The following PRKG1 variants were observed in gnomAD, a reference collection of about 807,000 sequenced individuals.
PRKG1 encodes the protein protein kinase cGMP-dependent 1, also known as cGMP-dependent protein kinase 1.
In PRKG1, 35 loss-of-function variants were observed where a neutral mutation model predicts 88.1. The observed-to-expected ratio is 0.40, with a 90% CI of 0.30 to 0.53. The LOEUF (loss-of-function observed/expected upper bound fraction) is 0.53, where lower values mean the gene tolerates loss of function less well. PRKG1 is among the 20% of genes least tolerant of loss of function. The probability of loss-of-function intolerance (pLI) is 0.59; values close to 1 mark genes in which losing one functional copy is unlikely to be tolerated. For synonymous variants in PRKG1, 303 were observed against 292.5 expected (o/e 1.04, Z -0.37); for missense variants, 540 against 839.8 (o/e 0.64, Z 4.41).
intron 2 of PRKG1, among the ~76,000 whole-genome samples, chr10:51,275,964 CT>C (rs200640333): frequency 0.017 from 2,420 of 141,628 alleles, 46 homozygotes; most frequent in African/African-American, 0.05. Context: ...ATGAAATTTT[CT>C]TTTTTTTTTT....
chr10:51,045,568 C>T lies in PRKG1; in HGVS notation c.266+53924C>T, dbSNP rs574947824. Among the ~76,000 whole-genome samples, 12 of 152,218 alleles carry T rather than the reference C, an allele frequency of 7.9e-5. No individual in the cohort carries two copies. The East Asian group carries it at 9.7e-4, about 12-fold the overall frequency. ...CTCGAACTCTTGACCTCTGGTGATC[C>T]GCCCACCTTGAAAATATTTTAAAGT... On this transcript the variant is annotated intron_variant, in intron 1 of 17. Transcript: ENST00000401604.
At chr10:52,056,429 T>C (rs1846111501) in intron 6 of PRKG1, among the ~76,000 whole-genome samples, 1 of 152,232 alleles carries the variant, frequency 6.6e-6, no homozygotes, top group Non-Finnish European at 1.5e-5. Flanking sequence ...ACCACCCTGT[T>C]AGTGCAAATT....
At chr10:51,511,614 A>G (rs1269242756) in intron 3 of PRKG1, among the ~76,000 whole-genome samples, 1 of 152,224 alleles carries the variant, frequency 6.6e-6, no homozygotes, top group African/African-American at 2.4e-5. Flanking sequence ...CATAGTGGAA[A>G]TGTATATTAA....
intron 1 of PRKG1, among the ~76,000 whole-genome samples, chr10:51,091,119 A>G (rs991502515): frequency 5.9e-5 from 9 of 152,242 alleles, no homozygotes; most frequent in Non-Finnish European, 1.2e-4. Flanking sequence ...CTTGACAGTC[A>G]TAATGATGAG....
chr10:51,504,678 G>A (rs1841141992), intron 3 of PRKG1, among the ~76,000 whole-genome samples: 1 of 152,024 alleles, frequency 6.6e-6, no homozygotes, highest in Admixed American at 6.6e-5. Flanking sequence ...CCTTGAAGAG[G>A]TCCTTCATGT....
intron 3 of PRKG1, among the ~76,000 whole-genome samples, chr10:51,640,272 A>G (rs75295207): frequency 0.036 from 5,456 of 152,300 alleles, 142 homozygotes; most frequent in South Asian, 0.1. Context: ...CCTAGAACAT[A>G]AATCATTAAA....
chr10:51,804,708 C>T lies in PRKG1; in HGVS notation c.698+18C>T, dbSNP rs181067702. 6 of 1,482,880 alleles carry T rather than the reference C, an allele frequency of 4.0e-6. No individual in the cohort carries two copies. The Admixed American group carries it at 8.4e-5, about 21-fold the overall frequency. The allele number at this position is 1,482,880 out of a possible 1,614,324, so 91.9% of individuals were successfully genotyped here. ...TTAAAAAGGTAGGATGCTTTCTTTT[C>T]TCTTGTGAGAGTGTTTACTTTCCTT... On this transcript the variant is annotated intron_variant, in intron 4 of 17. Transcript: ENST00000373980.
intron 2 of PRKG1, among the ~76,000 whole-genome samples, chr10:51,401,798 C>T (rs1481524925): frequency 6.6e-6 from 1 of 152,044 alleles, no homozygotes; most frequent in Non-Finnish European, 1.5e-5. Flanking sequence ...GCTTAAAACA[C>T]AAAAATAGGA....
intron 5 of PRKG1, among the ~76,000 whole-genome samples, chr10:51,973,509 CTT>C (rs1234223047): frequency 6.6e-6 from 1 of 152,124 alleles, no homozygotes; most frequent in Non-Finnish European, 1.5e-5. Context: ...TGCTTTCTGA[CTT>C]ATTCATCCTG....
At chr10:51,656,709 G>A (rs531230003) in intron 3 of PRKG1, among the ~76,000 whole-genome samples, 43 of 152,062 alleles carry the variant, frequency 2.8e-4, no homozygotes, top group African/African-American at 8.7e-4. Context: ...CATCCCCTGC[G>A]CAAAAACCTT....
At chr10:51,750,235 C>T (rs1459357960) in intron 3 of PRKG1, among the ~76,000 whole-genome samples, 2 of 152,112 alleles carry the variant, frequency 1.3e-5, no homozygotes, top group African/African-American at 4.8e-5. Context: ...TGTGCCTGGC[C>T]TGTCATTTGT....
chr10:51,913,309 A>T (rs763974471), intron 5 of PRKG1, among the ~76,000 whole-genome samples: 8 of 152,274 alleles, frequency 5.3e-5, no homozygotes, highest in Non-Finnish European at 1.0e-4. Context: ...TAGGGAATGG[A>T]TCTTGTCACC....
intron 16 of PRKG1, among the ~76,000 whole-genome samples, chr10:52,289,943 A>T (rs182899208): frequency 7.7e-4 from 117 of 152,296 alleles, no homozygotes; most frequent in Middle Eastern, 3.4e-3. Flanking sequence ...TTAAATTTTA[A>T]TTATAGTGTA....
chr10:51,301,460 C>G (rs16916485), intron 2 of PRKG1, among the ~76,000 whole-genome samples: 5,372 of 152,044 alleles, frequency 0.035, 308 homozygotes, highest in African/African-American at 0.12. Context: ...TATACAAAAC[C>G]CTCTGAGGAA....
chr10:51,997,395 C>T (rs1400705463), intron 5 of PRKG1, among the ~76,000 whole-genome samples: 24 of 149,550 alleles, frequency 1.6e-4, no homozygotes, highest in Admixed American at 4.0e-4. Flanking sequence ...CATTTGAACC[C>T]GGGAGGCGGA....
At chr10:52,114,470 A>G (rs896266530) in intron 7 of PRKG1, among the ~76,000 whole-genome samples, 3 of 151,796 alleles carry the variant, frequency 2.0e-5, no homozygotes, top group African/African-American at 4.8e-5. Flanking sequence ...TTTCCTTTCA[A>G]ACAATCCTTT....
At chr10:51,099,240 C>T in intron 1 of PRKG1, among the ~76,000 whole-genome samples, 1 of 151,972 alleles carries the variant, frequency 6.6e-6, no homozygotes, top group Non-Finnish European at 1.5e-5. Flanking sequence ...GGAAGAACAC[C>T]CTGGAGTGAG....
At chr10:52,120,031 GAC>G (rs1180048975) in intron 7 of PRKG1, among the ~76,000 whole-genome samples, 1 of 151,974 alleles carries the variant, frequency 6.6e-6, no homozygotes, top group Non-Finnish European at 1.5e-5. Context: ...GAGGCAGAGA[GAC>G]AGAGAGAGGG....
intron 5 of PRKG1, among the ~76,000 whole-genome samples, chr10:52,039,871 C>T (rs1386845004): frequency 6.6e-6 from 1 of 152,168 alleles, no homozygotes; most frequent in African/African-American, 2.4e-5. Context: ...CAGTGCACTG[C>T]TTCTGAGGAG....
Sources: gnomAD v4.1 joint callset for allele counts (sites outside exome capture counted in the v4.1 genomes callset) on GRCh38, gnomAD v4.1.1 for gene constraint, MANE v1.5 for transcripts, NCBI Gene and HGNC (gene_info 2026-07-23, HGNC 2026-07-21) for gene names.